The following ADAMTS12 variants were observed in gnomAD, a reference collection of about 807,000 sequenced individuals.
ADAMTS12 encodes A disintegrin and metalloproteinase with thrombospondin motifs 12.
Under a neutral mutation model 167.8 loss-of-function variants are expected in ADAMTS12, and 118 were observed. That is an observed-to-expected ratio of 0.70 (90% CI 0.61 to 0.82). The LOEUF (loss-of-function observed/expected upper bound fraction) is 0.82. Ranked by LOEUF, ADAMTS12 falls within the 40% of genes least tolerant of loss-of-function variation. The pLI is 0.00. For missense variants in ADAMTS12, 1,916 were observed against 1,998.8 expected (o/e 0.96, Z 0.79); for synonymous variants, 704 against 716.9 (o/e 0.98, Z 0.29).
intron 19 of ADAMTS12, among the ~76,000 whole-genome samples, chr5:33,562,683 G>A (rs1423491685): frequency 2.7e-5 from 4 of 150,758 alleles, no homozygotes; most frequent in African/African-American, 4.9e-5. Flanking sequence ...CCAGGCTGGA[G>A]TGTAGTGGCA....
intron 2 of ADAMTS12, among the ~76,000 whole-genome samples, chr5:33,874,144 A>G (rs771193250): frequency 1.3e-5 from 2 of 152,236 alleles, no homozygotes; most frequent in Non-Finnish European, 2.9e-5. Flanking sequence ...AAGACAAGTC[A>G]TATACTGACA....
chr5:33,636,015 T>C (rs1740175999), intron 12 of ADAMTS12, among the ~76,000 whole-genome samples: 1 of 152,216 alleles, frequency 6.6e-6, no homozygotes, highest in Non-Finnish European at 1.5e-5. Context: ...GGAATTGATG[T>C]CAACTTGTAT....
At chr5:33,559,945 A>C (rs765475078) in intron 20 of ADAMTS12, among the ~76,000 whole-genome samples, 3 of 152,200 alleles carry the variant, frequency 2.0e-5, no homozygotes, top group Admixed American at 6.5e-5. Context: ...AGAACAAATT[A>C]TTCTTTATAT....
chr5:33,875,244 T>A lies in ADAMTS12; in HGVS notation c.489+5875A>T, dbSNP rs117321868. On this transcript the variant is annotated intron_variant, in intron 2 of 23. Transcript: ENST00000504830. ...GAAAATCCTCTATATGAGAATATAATGGTGGATATATGTCATTATAAATTG... is the reference window on the plus strand; with the variant it reads ...GAAAATCCTCTATATGAGAATATAAAGGTGGATATATGTCATTATAAATTG... Among the ~76,000 whole-genome samples the A allele has an allele frequency of 1.7e-4, 26 of 152,344 alleles. 1 individual carries two copies. In the East Asian group the frequency reaches 4.8e-3, roughly 28 times the overall value.
chr5:33,839,640 A>G (rs1217908942), intron 2 of ADAMTS12, among the ~76,000 whole-genome samples: 2 of 152,174 alleles, frequency 1.3e-5, no homozygotes, highest in Non-Finnish European at 2.9e-5. Context: ...TTCCACCAAC[A>G]TCAAGCTTCT....
intron 2 of ADAMTS12, among the ~76,000 whole-genome samples, chr5:33,752,100 A>C (rs1367009650): frequency 6.6e-6 from 1 of 152,264 alleles, no homozygotes. Flanking sequence ...GGCCTACAGC[A>C]GAAAGCCCTC....
intron 18 of ADAMTS12, among the ~76,000 whole-genome samples, chr5:33,581,674 A>G: frequency 6.6e-6 from 1 of 152,234 alleles, no homozygotes; most frequent in Non-Finnish European, 1.5e-5. Flanking sequence ...GCTAAAACAC[A>G]TAGGTATCTG....
At chr5:33,780,381 T>A (rs1176423982) in intron 2 of ADAMTS12, among the ~76,000 whole-genome samples, 1 of 152,186 alleles carries the variant, frequency 6.6e-6, no homozygotes, top group Non-Finnish European at 1.5e-5. Context: ...TCTGATCTCA[T>A]CATACAAGGT....
At chr5:33,626,315 G>A (rs1739592051) in intron 13 of ADAMTS12, among the ~76,000 whole-genome samples, 8 of 151,280 alleles carry the variant, frequency 5.3e-5, no homozygotes, top group Admixed American at 3.3e-4. Flanking sequence ...GGGTAATGGT[G>A]GCAGTGATGA....
intron 9 of ADAMTS12, among the ~76,000 whole-genome samples, chr5:33,644,085 TTC>T: frequency 6.6e-6 from 1 of 152,388 alleles, no homozygotes; most frequent in East Asian, 1.9e-4. Context: ...CAGTATTTTT[TTC>T]TGTCTATTCA....
intron 2 of ADAMTS12, among the ~76,000 whole-genome samples, chr5:33,768,735 A>G (rs904622942): frequency 4.6e-5 from 7 of 152,260 alleles, no homozygotes; most frequent in African/African-American, 1.4e-4. Flanking sequence ...CCCACTTATT[A>G]CCATGTTCAG....
At chr5:33,678,441 T>C (rs906109721) in intron 5 of ADAMTS12, among the ~76,000 whole-genome samples, 5 of 152,222 alleles carry the variant, frequency 3.3e-5, no homozygotes, top group African/African-American at 1.2e-4. Context: ...AGATTACAAC[T>C]GTGAAACATG....
Position 33,637,611 on chromosome 5 carries a change from A to C in ADAMTS12, c.1854T>G (p.Asn618Lys). ...CSEFDTVPYK[N>K]ELYHWFPIFN... ...AAATGGGAAACCAGTGGTAGAGTTC[A>C]TTCTTGTAGGGAACAGTGTCAAATT... is the stretch of plus-strand genomic sequence containing the variant. The change falls in exon 12 of 24, where the codon AAT becomes AAG. Residue 618 changes from asparagine to lysine, a missense_variant. Asn to Lys is a moderately conservative substitution (Grantham distance 94). Coordinates refer to ENST00000504830, the MANE Select transcript of ADAMTS12 (RefSeq NM_030955.4). The C allele has an allele frequency of 1.9e-6, 3 of 1,613,604 alleles. No individual in the cohort carries two copies. In the South Asian group the frequency reaches 3.3e-5, roughly 18 times the overall value.
In ADAMTS12 at chr5:33,873,596, A is replaced by G. The variant is rs540920884; in HGVS notation, c.489+7523T>C. Among the ~76,000 whole-genome samples the G allele has an allele frequency of 1.1e-4, 17 of 152,298 alleles. No homozygotes were observed. The South Asian group carries it at 3.5e-3, about 32-fold the overall frequency. ...AAATTTATATGGAGAGTCAAAACAC[A>G]CAGACTAGCCAATACAGAATGCAAG... On this transcript the variant is annotated intron_variant, in intron 2 of 23. Transcript: ENST00000504830.
chr5:33,643,109 C>T (rs1465527017), intron 10 of ADAMTS12, among the ~76,000 whole-genome samples: 1 of 152,208 alleles, frequency 6.6e-6, no homozygotes, highest in Non-Finnish European at 1.5e-5. Flanking sequence ...CCACAAACTC[C>T]ATAGAAATTC....
intron 5 of ADAMTS12, among the ~76,000 whole-genome samples, chr5:33,676,682 T>TCACACA (rs1741917863): frequency 1.8e-5 from 1 of 56,808 alleles, no homozygotes; most frequent in Non-Finnish European, 3.4e-5. Context: ...TCTGTCTATC[T>TCACACA]TACACACACA....
chr5:33,859,473 A>C (rs1415705210), intron 2 of ADAMTS12, among the ~76,000 whole-genome samples: 3 of 152,212 alleles, frequency 2.0e-5, no homozygotes, highest in African/African-American at 7.2e-5. Context: ...CTCCTCTCTA[A>C]GCAGGGCATC....
chr5:33,748,527 CCTTT>C (rs1165752252), intron 3 of ADAMTS12, among the ~76,000 whole-genome samples: 2 of 152,100 alleles, frequency 1.3e-5, no homozygotes, highest in African/African-American at 4.8e-5. Flanking sequence ...CATTTGGGCA[CCTTT>C]CTATGTGGGA....
intron 2 of ADAMTS12, among the ~76,000 whole-genome samples, chr5:33,836,028 G>A (rs1219395163): frequency 2.6e-5 from 4 of 151,332 alleles, no homozygotes; most frequent in Non-Finnish European, 5.9e-5. Flanking sequence ...ATATGCTCCA[G>A]AAGCTCAGCA....
Sources: gnomAD v4.1 joint callset for allele counts (sites outside exome capture counted in the v4.1 genomes callset) on GRCh38, gnomAD v4.1.1 for gene constraint, MANE v1.5 for transcripts, NCBI Gene and HGNC (gene_info 2026-07-23, HGNC 2026-07-21) for gene names.